Variants in GOLGA1 observed in about 807,000 individuals in gnomAD.
GOLGA1 encodes golgin subfamily A member 1.
A neutral mutation model predicts 119.7 loss-of-function variants in GOLGA1; 63 were observed. That is an observed-to-expected ratio of 0.53 (90% CI 0.43 to 0.65). The LOEUF (loss-of-function observed/expected upper bound fraction) is 0.65. GOLGA1 is among the 30% of genes least tolerant of loss of function. GOLGA1 has a pLI of 0.00. For missense variants in GOLGA1, 798 were observed against 912.8 expected (o/e 0.87, Z 1.62); for synonymous variants, 318 against 333.4 (o/e 0.95, Z 0.50).
In GOLGA1 at chr9:124,931,322, G is replaced by T. The variant is rs145566855; in HGVS notation, c.220C>A (p.Leu74Ile). The change falls in exon 4 of 23, where the codon CTT becomes ATT. Residue 74 changes from leucine (L) to isoleucine (I), a missense_variant. Transcript: ENST00000373555. ...NEQIRKLEAR[L>I]SDYAEQVRNL... is the part of the protein sequence containing the mutation. The stretch of plus-strand genomic sequence containing the variant: ...TATGAGTTCTTAGACATACCAGAAA[G>T]TCTGGCCTCTAACTTCCGTATCTGT... The T allele has an allele frequency of 2.1e-4, 310 of 1,501,224 alleles. No individual in the cohort carries two copies. Among genetic ancestry groups the T allele is most frequent in the Non-Finnish European group, 2.6e-4 (282 of 1,077,376 alleles). 93.0% of individuals were successfully genotyped at this position (1,501,224 alleles called of 1,614,324 possible). A position where few individuals can be genotyped will look rare whatever the true frequency, so the allele number is the denominator to read the frequency against.
chr9:124,902,952 G>A (rs896310320), intron 12 of GOLGA1, among the ~76,000 whole-genome samples: 3 of 152,144 alleles, frequency 2.0e-5, no homozygotes, highest in Non-Finnish European at 2.9e-5. Context: ...AAACTAAGAC[G>A]TTGTTTTACA....
chr9:124,900,607 G>C, intron 12 of GOLGA1, 60 bp from the exon 13 acceptor site: 2 of 787,252 alleles, frequency 2.5e-6, no homozygotes, highest in Non-Finnish European at 4.3e-6. Flanking sequence ...GGTAACAAAT[G>C]GCTTTAAAAT....
chr9:124,913,289 CT>C (rs562226123), intron 10 of GOLGA1, among the ~76,000 whole-genome samples: 215 of 152,294 alleles, frequency 1.4e-3, no homozygotes, highest in African/African-American at 5.1e-3. Context: ...AACCATATCA[CT>C]GCTCAATGTC....
Position 124,881,084 on chromosome 9 carries a change from T to C in GOLGA1, c.2223+87A>G. The C allele has an allele frequency of 1.3e-6, 1 of 785,886 alleles. No homozygotes were observed. The highest frequency in any genetic ancestry group is 2.3e-6 in the Non-Finnish European group (1 of 430,668). 48.7% of individuals were successfully genotyped at this position (785,886 alleles called of 1,614,324 possible). A position where few individuals can be genotyped will look rare whatever the true frequency, so the allele number is the denominator to read the frequency against. On this transcript the variant is annotated intron_variant, in intron 22 of 22. Transcript: ENST00000373555. The surrounding 1 kb of genome is among the most constrained non-coding windows in gnomAD (Gnocchi z 4.9). ...AGCTGTGCTGGTGCCTACACTCGGG[T>C]GTGGGTCTAAGGGGTCTTACACTGC...
rs1339970951 is a variant in GOLGA1 at position 124,900,534 on chromosome 9, T to G, written c.1079A>C (p.Glu360Ala). ...CTCCTCAGAGGCCTGCAAGGTCTGC[T>G]CCAGTTCTCTCACCTGAGAGGGAAG... ...NTLETRVREL[E>A]QTLQASEEQL... The change falls in exon 13 of 23, where the codon GAG becomes GCG. Residue 360 changes from glutamate (E) to alanine (A), a missense_variant. By Grantham distance (107) the Glu-to-Ala change is moderately radical. Coordinates refer to ENST00000373555, the MANE Select transcript of GOLGA1 (RefSeq NM_002077.4). 10 of 1,563,086 alleles carry G rather than the reference T, an allele frequency of 6.4e-6. No homozygotes were observed. The highest frequency in any genetic ancestry group is 1.4e-5 in the African/African-American group (1 of 73,936).
intron 12 of GOLGA1, among the ~76,000 whole-genome samples, chr9:124,903,158 C>G (rs1225028433): frequency 6.6e-6 from 1 of 152,186 alleles, no homozygotes; most frequent in Non-Finnish European, 1.5e-5. Context: ...TTATTCACAA[C>G]AGCCAAAAGA....
chr9:124,926,755 A>G lies in GOLGA1; in HGVS notation c.400-14T>C, dbSNP rs149169583. 4 of 1,497,490 alleles carry G rather than the reference A, an allele frequency of 2.7e-6. No individual in the cohort carries two copies. The highest frequency in any genetic ancestry group is 2.3e-5 in the East Asian group (1 of 43,398). 92.8% of individuals were successfully genotyped at this position (1,497,490 alleles called of 1,614,324 possible). On this transcript the variant is annotated splice_polypyrimidine_tract_variant and intron_variant, in intron 6 of 22. Coordinates refer to ENST00000373555, the MANE Select transcript of GOLGA1 (RefSeq NM_002077.4). ...TTCTGACCATTCCTAAAACAAAACAATAAAAAAGTATGGTTTCCAGTGAAG... is the reference window on the plus strand; with the variant it reads ...TTCTGACCATTCCTAAAACAAAACAGTAAAAAAGTATGGTTTCCAGTGAAG...
rs144405013 is a variant in GOLGA1, at chr9:124,932,494, T to C, written c.136-1088A>G. Among the ~76,000 whole-genome samples the C allele has an allele frequency of 1.4e-3, 206 of 152,328 alleles. No individual in the cohort carries two copies. The East Asian group carries it at 0.021, about 16-fold the overall frequency. The stretch of plus-strand genomic sequence containing the variant: ...TACGAGCTGTAAGAACTTAGGCTCA[T>C]TACTCAACTTCTCTGTGCACTGGTT... On this transcript the variant is annotated intron_variant, in intron 3 of 22. Transcript: ENST00000373555.
At chr9:124,890,810 C>T (rs907974875) in intron 15 of GOLGA1, among the ~76,000 whole-genome samples, 4 of 152,142 alleles carry the variant, frequency 2.6e-5, no homozygotes, top group African/African-American at 4.8e-5. Flanking sequence ...AAGTCAGACT[C>T]GCAGGCCACG....
intron 15 of GOLGA1, among the ~76,000 whole-genome samples, chr9:124,892,669 A>T (rs998889456): frequency 1.3e-5 from 2 of 152,110 alleles, no homozygotes; most frequent in Non-Finnish European, 2.9e-5. Flanking sequence ...ATGGTGGCTC[A>T]CGCCTGTAAT....
intron 12 of GOLGA1, among the ~76,000 whole-genome samples, chr9:124,905,899 G>C (rs914388481): frequency 1.3e-5 from 2 of 150,624 alleles, no homozygotes; most frequent in African/African-American, 2.4e-5. Context: ...CCGAGGCTGA[G>C]GTCAGGAGTT....
chr9:124,934,091 G>A (rs1241746720), intron 3 of GOLGA1, among the ~76,000 whole-genome samples: 1 of 152,090 alleles, frequency 6.6e-6, no homozygotes, highest in Non-Finnish European at 1.5e-5. Flanking sequence ...AATAAAGGTA[G>A]ATACAGTTCC....
chr9:124,888,118 T>C lies in GOLGA1; in HGVS notation c.1905+135A>G, dbSNP rs1829767267. The C allele has an allele frequency of 1.3e-6, 1 of 771,738 alleles. No individual in the cohort carries two copies. Among genetic ancestry groups the C allele is most frequent in the Admixed American group, 1.9e-5 (1 of 51,320 alleles). 47.8% of individuals were successfully genotyped at this position (771,738 alleles called of 1,614,324 possible). On this transcript the variant is annotated intron_variant, in intron 19 of 22. Transcript: ENST00000373555. This position sits in a 1 kb window ranked among gnomAD's most constrained non-coding sequence, Gnocchi z 4.4. ...GAACGGAAGATCAGGAGGAAGGCCT[T>C]TGGGTGAGAGGGGTCATGGTTGCCA...
chr9:124,915,039 A>G (rs1349821702), intron 10 of GOLGA1, among the ~76,000 whole-genome samples: 2 of 152,166 alleles, frequency 1.3e-5, no homozygotes, highest in African/African-American at 4.8e-5. Flanking sequence ...TTACCAAGCC[A>G]TACTCCCTGA....
intron 15 of GOLGA1, among the ~76,000 whole-genome samples, chr9:124,893,554 C>A (rs150093060): frequency 6.6e-6 from 1 of 152,260 alleles, no homozygotes; most frequent in African/African-American, 2.4e-5. Context: ...TGGGCCACCC[C>A]GTGTCCTTCA....
chr9:124,924,058 G>T (rs1830623975), intron 7 of GOLGA1, among the ~76,000 whole-genome samples: 1 of 152,146 alleles, frequency 6.6e-6, no homozygotes, highest in East Asian at 1.9e-4. Context: ...GTTTCACCAT[G>T]TTTGCCAGGC....
intron 3 of GOLGA1, 45 bp downstream of exon 3, chr9:124,938,532 A>T: frequency 6.7e-7 from 1 of 1,498,636 alleles, no homozygotes; most frequent in Non-Finnish European, 9.2e-7. Flanking sequence ...TTATTGGAAG[A>T]ATACCCTGCA....
chr9:124,896,646 G>C (rs1364089758), intron 15 of GOLGA1, among the ~76,000 whole-genome samples: 1 of 151,726 alleles, frequency 6.6e-6, no homozygotes, highest in Non-Finnish European at 1.5e-5. Context: ...ATCTGCTTAA[G>C]ACCTGCCATA....
intron 2 of GOLGA1, 72 bp from the exon 3 acceptor site, chr9:124,938,938 T>C (rs2073432175): frequency 2.3e-6 from 1 of 437,524 alleles, no homozygotes; most frequent in South Asian, 4.8e-5. Flanking sequence ...TTGTTAAGTT[T>C]TAGATTTCAA....
Sources: allele counts gnomAD v4.1 joint callset (sites outside exome capture counted in the v4.1 genomes callset), GRCh38; gene constraint gnomAD v4.1.1; non-coding constraint Gnocchi (gnomAD v3.1); transcripts MANE v1.5; gene names NCBI Gene and HGNC (gene_info 2026-07-23, HGNC 2026-07-21).